The following SMAP1 variants were observed in gnomAD, a reference collection of about 807,000 sequenced individuals.
SMAP1 encodes stromal membrane-associated protein 1.
Under a neutral mutation model 58.5 loss-of-function variants are expected in SMAP1, and 24 were observed. The ratio of observed to expected loss-of-function variants is 0.41; its 90% confidence interval spans 0.30 to 0.58. The LOEUF (loss-of-function observed/expected upper bound fraction) is 0.58, where lower values mean the gene tolerates loss of function less well. Among genes scored for constraint, SMAP1 ranks in the 20% least tolerant of loss-of-function variants. The pLI is 0.29. For synonymous variants in SMAP1, 216 were observed against 196.6 expected, an observed-to-expected ratio of 1.10 and a Z score of -0.82; for missense variants, 563 against 566.3, an observed-to-expected ratio of 0.99 and a Z score of 0.06.
intron 1 of SMAP1, among the ~76,000 whole-genome samples, chr6:70,679,979 A>G (rs1208320845): frequency 3.3e-5 from 5 of 152,234 alleles, no homozygotes; most frequent in African/African-American, 1.2e-4. Context: ...TGCCTTTAAC[A>G]GTTATTAAAA....
In SMAP1 at chr6:70,837,027, T is replaced by C; in HGVS notation, c.663T>C (p.Leu221=). The change falls in exon 7 of 11, where the codon CTT becomes CTC. Residue 221 remains leucine (L), a splice_region_variant and synonymous_variant. Transcript: ENST00000370455. ...AAEPTVDLLG[L]DGPAVAPVTN... ...AGCCCACTGTGGATCTTTTAGGACT[T>C]GGTAAGTAATAAAAAATAAAAGTCA... 2 of 1,570,646 alleles carry C rather than the reference T, an allele frequency of 1.3e-6. No individual in the cohort carries two copies. The highest frequency in any genetic ancestry group is 1.7e-4 in the Middle Eastern group (1 of 5,880).
chr6:70,699,631 T>G (rs1562100135), intron 1 of SMAP1, among the ~76,000 whole-genome samples: 1 of 152,092 alleles, frequency 6.6e-6, no homozygotes, highest in Non-Finnish European at 1.5e-5. Context: ...GTTCTTAACA[T>G]TCTTCCCTCT....
At chr6:70,854,199 A>G (rs534823666) in intron 8 of SMAP1, among the ~76,000 whole-genome samples, 1 of 152,326 alleles carries the variant, frequency 6.6e-6, no homozygotes, top group Admixed American at 6.5e-5. Flanking sequence ...TTTTAAAATC[A>G]TATCTAATAC....
At chr6:70,777,370 ATTGAT>A (rs1411502772) in intron 4 of SMAP1, among the ~76,000 whole-genome samples, 3 of 152,044 alleles carry the variant, frequency 2.0e-5, no homozygotes, top group African/African-American at 7.2e-5. Context: ...TCTGATGATT[ATTGAT>A]TTGACCTTTT....
chr6:70,852,389 G>A (rs1453631897), intron 7 of SMAP1, 151 bp from the exon 8 acceptor site: 1 of 667,960 alleles, frequency 1.5e-6, no homozygotes, highest in Non-Finnish European at 2.2e-6. Context: ...CTTTGGGAAA[G>A]GGGATCGGGG....
At chr6:70,803,705 C>T (rs1768974461) in intron 6 of SMAP1, among the ~76,000 whole-genome samples, 1 of 152,182 alleles carries the variant, frequency 6.6e-6, no homozygotes, top group Non-Finnish European at 1.5e-5. Context: ...TCTTTGTTCT[C>T]ATTGGTTTCA....
chr6:70,725,917 C>T (rs192786926), intron 1 of SMAP1, among the ~76,000 whole-genome samples: 23 of 152,270 alleles, frequency 1.5e-4, no homozygotes, highest in Non-Finnish European at 2.9e-4. Context: ...TTAGCCTCAA[C>T]GGAAGTGACT....
rs142464800 is a variant in SMAP1 at position 70,686,780 on chromosome 6, A to T, written c.118+18639A>T. On this transcript the variant is annotated intron_variant, in intron 1 of 10. Transcript: ENST00000370455. ...TTGCTGTGAATTTAACAGCTTTAGT[A>T]ATTTCTTTGAATGTAATAATACTCT... Among the ~76,000 whole-genome samples the T allele has an allele frequency of 1.1e-4, 17 of 152,282 alleles. 1 individual carries two copies. In the East Asian group the frequency reaches 3.3e-3, roughly 29 times the overall value.
intron 1 of SMAP1, among the ~76,000 whole-genome samples, chr6:70,695,581 C>T (rs1767368785): frequency 6.6e-6 from 1 of 152,114 alleles, no homozygotes; most frequent in Admixed American, 6.5e-5. Flanking sequence ...TATGATGTAT[C>T]ACATTGGTTA....
intron 6 of SMAP1, among the ~76,000 whole-genome samples, chr6:70,817,190 G>T (rs1014939552): frequency 6.6e-6 from 1 of 150,414 alleles, no homozygotes; most frequent in African/African-American, 2.4e-5. Flanking sequence ...TGCTCAAGCC[G>T]CACATTATTA....
chr6:70,776,178 C>T (rs866837679), intron 4 of SMAP1, among the ~76,000 whole-genome samples: 31 of 151,920 alleles, frequency 2.0e-4, no homozygotes, highest in African/African-American at 6.3e-4. Flanking sequence ...TTTATCATTT[C>T]TTCTTTTTCT....
intron 5 of SMAP1, among the ~76,000 whole-genome samples, chr6:70,797,132 A>G (rs1208377329): frequency 1.3e-5 from 2 of 152,180 alleles, no homozygotes; most frequent in Admixed American, 6.5e-5. Flanking sequence ...TTGCTTATTC[A>G]TGCCCCAAAT....
rs140603750 is a variant in SMAP1 at position 70,760,307 on chromosome 6, C to T, written c.338+5242C>T. On this transcript the variant is annotated intron_variant, in intron 3 of 10. Coordinates refer to ENST00000370455, the MANE Select transcript of SMAP1 (RefSeq NM_001044305.3). ...ATTTAATTTTTCAAACTAAATGTTA[C>T]TCCTTTTTACAAATTATGGTCATAT... Among the ~76,000 whole-genome samples, 247 of 152,090 alleles carry T rather than the reference C, an allele frequency of 1.6e-3. 1 individual carries two copies. The highest frequency in any genetic ancestry group is 6.8e-3 in the Middle Eastern group (2 of 294).
intron 6 of SMAP1, among the ~76,000 whole-genome samples, chr6:70,819,150 G>A (rs566596498): frequency 1.4e-4 from 21 of 151,980 alleles, no homozygotes; most frequent in African/African-American, 5.1e-4. Flanking sequence ...CTTTCACTTA[G>A]CATAGTCTTT....
chr6:70,747,308 C>T (rs574297678), intron 2 of SMAP1, among the ~76,000 whole-genome samples: 2 of 152,214 alleles, frequency 1.3e-5, no homozygotes, highest in Non-Finnish European at 2.9e-5. Flanking sequence ...ACGCATACCA[C>T]AATGTGCTGA....
At chr6:70,853,940 A>G (rs945257328) in intron 8 of SMAP1, among the ~76,000 whole-genome samples, 45 of 152,242 alleles carry the variant, frequency 3.0e-4, no homozygotes, top group African/African-American at 1.1e-3. Context: ...CTTATTTAGC[A>G]CTGTCACTGG....
chr6:70,753,533 A>G (rs1415718801), intron 2 of SMAP1, among the ~76,000 whole-genome samples: 1 of 152,120 alleles, frequency 6.6e-6, no homozygotes, highest in African/African-American at 2.4e-5. Context: ...CTTGAGATGG[A>G]AAACATTTTT....
At chr6:70,771,771 C>T (rs1767327949) in intron 3 of SMAP1, among the ~76,000 whole-genome samples, 1 of 152,210 alleles carries the variant, frequency 6.6e-6, no homozygotes, top group Admixed American at 6.5e-5. Flanking sequence ...CCTGTGCCCA[C>T]TGTCTGGTAC....
intron 4 of SMAP1, among the ~76,000 whole-genome samples, chr6:70,785,924 AAG>A (rs1768002935): frequency 6.6e-6 from 1 of 152,200 alleles, no homozygotes; most frequent in African/African-American, 2.4e-5. Flanking sequence ...TCAATAGAAA[AAG>A]AGGGAATCCT....
Sources: allele counts gnomAD v4.1 joint callset (sites outside exome capture counted in the v4.1 genomes callset), GRCh38; gene constraint gnomAD v4.1.1; transcripts MANE v1.5; gene names NCBI Gene and HGNC (gene_info 2026-07-23, HGNC 2026-07-21).